Variants in JMJD1C observed in about 807,000 individuals in gnomAD.
The protein encoded by JMJD1C is jumonji domain-containing protein 1C.
Under a neutral mutation model 245.3 loss-of-function variants are expected in JMJD1C, and 31 were observed. That is an observed-to-expected ratio of 0.13 (90% CI 0.09 to 0.17). JMJD1C has a LOEUF of 0.17. Ranked by LOEUF, JMJD1C falls within the 10% of genes least tolerant of loss-of-function variation. JMJD1C has a pLI of 1.00. For synonymous variants in JMJD1C, 1,057 were observed against 1,017.4 expected (o/e 1.04, Z -0.74); for missense variants, 2,691 against 3,000.2 (o/e 0.90, Z 2.41).
Position 63,207,234 on chromosome 10 carries a change from A to G in JMJD1C, c.4435T>C (p.Phe1479Leu). Residue 1479 changes from phenylalanine to leucine, a missense_variant, in exon 10 of 26, where the codon TTT (phenylalanine) becomes CTT (leucine). Phe to Leu is a conservative substitution (Grantham distance 22). This residue lies in a region of JMJD1C where 1,562 missense variants were observed against 1,490.7 expected (regional missense o/e 1.05). Transcript: ENST00000399262. ...GCCTTGTGCTTTTTTAAATGGATAA[A>G]ATCAGTTGTGCCTGAGAACCCAGAA... is the stretch of plus-strand genomic sequence containing the variant. ...PSSGFSGTTD[F>L]IHLKKHKAAL... The G allele has an allele frequency of 6.2e-7, 1 of 1,614,122 alleles. No individual in the cohort carries two copies.
chr10:63,244,948 C>G (rs1404866783), intron 3 of JMJD1C, among the ~76,000 whole-genome samples: 3 of 151,796 alleles, frequency 2.0e-5, no homozygotes, highest in Non-Finnish European at 4.4e-5. Flanking sequence ...ACCAGCCTGA[C>G]CAACATGGTG....
Position 63,490,342 on chromosome 10 carries a change from C to G in JMJD1C, n.113+31396G>C, listed in dbSNP as rs538328256. The stretch of plus-strand genomic sequence containing the variant: ...TGGACACCCTCACAGAAAGTGACTC[C>G]TCAGTTATTCTTTCTTTCTTGTCCC... On this transcript the variant is annotated intron_variant and non_coding_transcript_variant, in intron 1 of 3. Coordinates refer to the JMJD1C transcript ENST00000633035. 9.9e-4 allele frequency among the ~76,000 whole-genome samples: 151 copies of G among 152,188 alleles called. 1 individual carries two copies. The highest frequency in any genetic ancestry group is 1.6e-3 in the Non-Finnish European group (112 of 68,012).
At chr10:63,268,703 A>ATCCT (rs1427997191) in intron 2 of JMJD1C, 8 of 984,534 alleles carry the variant, frequency 8.1e-6, no homozygotes, top group Non-Finnish European at 9.6e-6. Context: ...AATCTCAGAA[A>ATCCT]TCCACAACAA....
intron 2 of JMJD1C, among the ~76,000 whole-genome samples, chr10:63,351,264 T>C (rs1944339051): frequency 6.6e-6 from 1 of 151,668 alleles, no homozygotes; most frequent in African/African-American, 2.4e-5. Context: ...TTTATAGTGG[T>C]ATTTATATTT....
intron 1 of JMJD1C, among the ~76,000 whole-genome samples, chr10:63,391,585 GAATA>G (rs1305375502): frequency 2.0e-5 from 3 of 151,968 alleles, no homozygotes; most frequent in Non-Finnish European, 4.4e-5. Flanking sequence ...AAACATCCAT[GAATA>G]AATGTACCCC....
chr10:63,495,779 A>G (rs1334593451), intron 1 of JMJD1C, among the ~76,000 whole-genome samples: 2 of 151,870 alleles, frequency 1.3e-5, no homozygotes, highest in Admixed American at 1.3e-4. Context: ...GAAGAAGAAA[A>G]TTGAGAAAGG....
At position 63,194,290 on chromosome 10, in the gene JMJD1C, A is replaced by G; in HGVS notation, c.5730T>C (p.Gly1910=). ...ACATGAAGAAGATATACTTACCAGA[A>G]CCAGGTATAATTTGGGTTGGCATTA... ...KHLMPTQIIP[G]SVLTDLLDAM... is the part of the protein sequence containing the mutation. The change falls in exon 14 of 26, where the codon GGT becomes GGC. Residue 1910 remains glycine, a synonymous_variant. Transcript: ENST00000399262. 3 of 1,600,606 alleles carry G rather than the reference A, an allele frequency of 1.9e-6. No homozygotes were observed. The highest frequency in any genetic ancestry group is 1.7e-6 in the Non-Finnish European group (2 of 1,167,780).
intron 2 of JMJD1C, among the ~76,000 whole-genome samples, chr10:63,317,483 T>C (rs1427568262): frequency 1.3e-5 from 2 of 152,080 alleles, no homozygotes; most frequent in African/African-American, 2.4e-5. Context: ...TTTCTTCTAT[T>C]TGAATGTATG....
intron 1 of JMJD1C, among the ~76,000 whole-genome samples, chr10:63,453,840 G>T (rs1345116330): frequency 2.0e-5 from 3 of 152,178 alleles, no homozygotes; most frequent in African/African-American, 7.2e-5. Context: ...CTAGGTTCAA[G>T]CGATTCTCCT....
chr10:63,337,468 A>G (rs565428821), intron 2 of JMJD1C, among the ~76,000 whole-genome samples: 490 of 3,816 alleles, frequency 0.13, no homozygotes, highest in Admixed American at 0.15. Flanking sequence ...GGGGGGGGGG[A>G]GGGAGAGAGA....
chr10:63,275,441 G>A (rs914054932), intron 2 of JMJD1C, among the ~76,000 whole-genome samples: 1 of 152,114 alleles, frequency 6.6e-6, no homozygotes, highest in Non-Finnish European at 1.5e-5. Context: ...ACTGACATAC[G>A]TCACCTTTCA....
At chr10:63,309,103 A>C (rs1034982110) in intron 2 of JMJD1C, among the ~76,000 whole-genome samples, 9 of 152,180 alleles carry the variant, frequency 5.9e-5, no homozygotes, top group African/African-American at 2.2e-4. Flanking sequence ...ACAACAACAA[A>C]AAACCTCAAG....
chr10:63,176,590 C>A, intron 23 of JMJD1C, 117 bp from the exon 24 acceptor site: 3 of 741,818 alleles, frequency 4.0e-6, no homozygotes, highest in Non-Finnish European at 6.5e-6. Context: ...ATCAATGGAA[C>A]AACTGAATGA....
At chr10:63,395,061 G>A (rs976476250) in intron 1 of JMJD1C, among the ~76,000 whole-genome samples, 4 of 152,062 alleles carry the variant, frequency 2.6e-5, no homozygotes, top group African/African-American at 9.7e-5. Flanking sequence ...ATTTGAACAT[G>A]TACTTCACTA....
chr10:63,226,975 G>A (rs1008474451), intron 3 of JMJD1C, among the ~76,000 whole-genome samples: 2 of 152,118 alleles, frequency 1.3e-5, no homozygotes, highest in South Asian at 4.1e-4. Context: ...GGCTGAGGCA[G>A]GAGAATCCCT....
chr10:63,296,916 T>G (rs1859497702), intron 2 of JMJD1C, among the ~76,000 whole-genome samples: 1 of 152,166 alleles, frequency 6.6e-6, no homozygotes, highest in South Asian at 2.1e-4. Context: ...AAGTTCCCAT[T>G]TTAAGATTTT....
chr10:63,200,428 T>C lies in JMJD1C; in HGVS notation c.5276+48A>G, dbSNP rs760296928. ...CAGAATAACACTATATAATTTCCAATATCAAATCAATAAATTACTTTTTTC... is the reference window on the plus strand; with the variant it reads ...CAGAATAACACTATATAATTTCCAACATCAAATCAATAAATTACTTTTTTC... On this transcript the variant is annotated intron_variant, in intron 11 of 25. Transcript: ENST00000399262. 33 of 1,409,474 alleles carry C rather than the reference T, an allele frequency of 2.3e-5. No homozygotes were observed. The East Asian group carries it at 3.0e-4, about 13-fold the overall frequency. The allele number at this position is 1,409,474 out of a possible 1,614,324, so 87.3% of individuals were successfully genotyped here.
rs188155520 is a variant in JMJD1C, at chr10:63,267,434, T to G, written c.334-2670A>C. ...AAAAACATATTTAAATAAAAACAAA[T>G]GGGTCCTACAGCTGGTATGATGAAA... is the stretch of plus-strand genomic sequence containing the variant. On this transcript the variant is annotated intron_variant, in intron 2 of 25. Transcript: ENST00000399262. Among the ~76,000 whole-genome samples, 104 of 152,238 alleles carry G rather than the reference T, an allele frequency of 6.8e-4. 1 individual carries two copies. Among genetic ancestry groups the G allele is most frequent in the African/African-American group, 2.4e-3 (101 of 41,554 alleles).
intron 1 of JMJD1C, among the ~76,000 whole-genome samples, chr10:63,389,335 G>GA (rs1033085715): frequency 1.3e-4 from 16 of 122,562 alleles, no homozygotes; most frequent in African/African-American, 4.7e-4. Flanking sequence ...AAAAGAAAAA[G>GA]AAAAAAGATC....
Sources: allele counts gnomAD v4.1 joint callset (sites outside exome capture counted in the v4.1 genomes callset), GRCh38; gene constraint gnomAD v4.1.1; regional missense constraint gnomAD v4.1.1; transcripts MANE v1.5; gene names NCBI Gene and HGNC (gene_info 2026-07-23, HGNC 2026-07-21).